Variants in MGLL observed in about 807,000 individuals in gnomAD.
MGLL encodes the protein monoglyceride lipase, also known as lysophospholipase homolog.
In MGLL, 7 loss-of-function variants were observed where a neutral mutation model predicts 29.1. That is an observed-to-expected ratio of 0.24 (90% CI 0.14 to 0.45). The LOEUF (loss-of-function observed/expected upper bound fraction) is 0.45. Ranked by LOEUF, MGLL falls within the 20% of genes least tolerant of loss-of-function variation. MGLL has a pLI of 0.99. For missense variants in MGLL, 356 were observed against 413.6 expected (o/e 0.86, Z 1.21); for synonymous variants, 148 against 168.3 (o/e 0.88, Z 0.93).
Position 127,726,185 on chromosome 3 carries a change from A to AAAGAAAGAAAG in MGLL, c.263-3620_263-3619insCTTTCTTTCTT, listed in dbSNP as rs61500053. ...GAAAGAAAGAAAGAAAGAAAGAAAG[A>AAAGAAAGAAAG]AAAGAAAAGAAAGAAAGAAAGACAG... On this transcript the variant is annotated intron_variant, in intron 3 of 7. Transcript: ENST00000265052. Among the ~76,000 whole-genome samples, 440 of 66,528 alleles carry AAAGAAAGAAAG rather than the reference A, an allele frequency of 6.6e-3. 5 individuals carry two copies. The highest frequency in any genetic ancestry group is 0.017 in the Admixed American group (101 of 6,100). The allele number at this position is 66,528 out of a possible 152,430, so 43.6% of individuals were successfully genotyped here. A position where few individuals can be genotyped will look rare whatever the true frequency, so the allele number is the denominator to read the frequency against.
At chr3:127,711,499 G>A (rs1353213565) in intron 5 of MGLL, 2 of 152,256 alleles carry the variant, frequency 1.3e-5, no homozygotes, top group African/African-American at 2.4e-5. Flanking sequence ...CTTCAGAGAG[G>A]GGCTGTTTTC....
chr3:127,746,431 C>T (rs1015075813), intron 3 of MGLL, among the ~76,000 whole-genome samples: 7 of 152,140 alleles, frequency 4.6e-5, no homozygotes, highest in African/African-American at 4.8e-5. Flanking sequence ...CACCCTGCCA[C>T]GATCTTCCCT....
At chr3:127,819,661 C>A (rs1346511707) in intron 2 of MGLL, among the ~76,000 whole-genome samples, 1 of 152,152 alleles carries the variant, frequency 6.6e-6, no homozygotes, top group East Asian at 1.9e-4. Context: ...GAGGTCCCCT[C>A]CCTCTTCCTA....
At chr3:127,733,077 A>G (rs73203050) in intron 3 of MGLL, among the ~76,000 whole-genome samples, 191 of 152,310 alleles carry the variant, frequency 1.3e-3, no homozygotes, top group Non-Finnish European at 2.1e-3. Flanking sequence ...AGGGTGAGAT[A>G]GGAGCTTGGC....
In MGLL at chr3:127,798,516, C is replaced by G. The variant is rs552808232; in HGVS notation, c.156-16621G>C. Among the ~76,000 whole-genome samples the G allele has an allele frequency of 3.3e-5, 5 of 152,214 alleles. No individual in the cohort carries two copies. In the South Asian group the frequency reaches 1.0e-3, roughly 32 times the overall value. The stretch of plus-strand genomic sequence containing the variant: ...TTCCAGGACTTCCTCCTTGGACAGG[C>G]CCTTTGCTGAGTCTTCACTTCTCTT... On this transcript the variant is annotated intron_variant, in intron 2 of 7. Coordinates refer to ENST00000265052, the MANE Select transcript of MGLL (RefSeq NM_007283.7).
intron 3 of MGLL, among the ~76,000 whole-genome samples, chr3:127,742,117 A>G (rs1422048981): frequency 6.6e-6 from 1 of 152,274 alleles, no homozygotes; most frequent in Non-Finnish European, 1.5e-5. Flanking sequence ...GTTCTAATAC[A>G]TAGAACTAAA....
At chr3:127,705,332 T>C (rs2075578523) in intron 6 of MGLL, among the ~76,000 whole-genome samples, 1 of 151,986 alleles carries the variant, frequency 6.6e-6, no homozygotes, top group African/African-American at 2.4e-5. Flanking sequence ...GGCACATGTT[T>C]ACCTATGTAA....
At chr3:127,792,605 AG>A (rs1405280966) in intron 2 of MGLL, among the ~76,000 whole-genome samples, 1 of 152,138 alleles carries the variant, frequency 6.6e-6, no homozygotes, top group African/African-American at 2.4e-5. Flanking sequence ...CAGGAGGCTG[AG>A]GCAGGAGAAT....
At chr3:127,707,016 C>T (rs1227317543) in intron 6 of MGLL, among the ~76,000 whole-genome samples, 2 of 152,190 alleles carry the variant, frequency 1.3e-5, no homozygotes, top group Admixed American at 6.5e-5. Context: ...ATCCGAAACA[C>T]CGGGCAGAGG....
At chr3:127,692,489 T>G (rs1489214740) in intron 7 of MGLL, among the ~76,000 whole-genome samples, 166 bp from the exon 8 acceptor site, 1 of 152,218 alleles carries the variant, frequency 6.6e-6, no homozygotes, top group Non-Finnish European at 1.5e-5. Context: ...CACCTTTCTA[T>G]CAGAAGATGG....
At chr3:127,743,595 A>T (rs1371222528) in intron 3 of MGLL, among the ~76,000 whole-genome samples, 1 of 150,646 alleles carries the variant, frequency 6.6e-6, no homozygotes, top group Non-Finnish European at 1.5e-5. Context: ...AAAAAAAAAA[A>T]AAAAGTCCAA....
chr3:127,779,049 C>T (rs1041130747), intron 3 of MGLL, among the ~76,000 whole-genome samples: 1 of 152,204 alleles, frequency 6.6e-6, no homozygotes, highest in Non-Finnish European at 1.5e-5. Flanking sequence ...GCCATTGCAC[C>T]TTGCCTGCTT....
chr3:127,694,876 A>C, intron 7 of MGLL, 99 bp downstream of exon 7: 4 of 1,141,248 alleles, frequency 3.5e-6, no homozygotes, highest in Non-Finnish European at 5.3e-6. Flanking sequence ...GAGACCTGGG[A>C]GGTGGCCCTC....
At chr3:127,733,315 A>T (rs529679664) in intron 3 of MGLL, among the ~76,000 whole-genome samples, 1 of 152,354 alleles carries the variant, frequency 6.6e-6, no homozygotes, top group South Asian at 2.1e-4. Flanking sequence ...TTAGCATATC[A>T]TCAAGAAATA....
intron 3 of MGLL, among the ~76,000 whole-genome samples, chr3:127,750,556 A>T (rs1159599563): frequency 1.3e-5 from 2 of 152,034 alleles, no homozygotes; most frequent in African/African-American, 2.4e-5. Context: ...GGCCCCTGGG[A>T]CTCACAGGGA....
At chr3:127,809,952 C>T (rs1290434244) in intron 2 of MGLL, among the ~76,000 whole-genome samples, 1 of 152,184 alleles carries the variant, frequency 6.6e-6, no homozygotes, top group Non-Finnish European at 1.5e-5. Context: ...CAATTCTAGA[C>T]ATTTAGCCAC....
At chr3:127,753,675 G>A (rs16830196) in intron 3 of MGLL, among the ~76,000 whole-genome samples, 1,761 of 152,246 alleles carry the variant, frequency 0.012, 20 homozygotes, top group African/African-American at 0.04. Flanking sequence ...CACTTTCCTC[G>A]CTTAAAATGG....
intron 5 of MGLL, among the ~76,000 whole-genome samples, chr3:127,714,765 G>A (rs1226488574): frequency 2.0e-5 from 3 of 152,168 alleles, no homozygotes; most frequent in Non-Finnish European, 2.9e-5. Flanking sequence ...GGACCCGGGT[G>A]GATACACCAT....
chr3:127,732,227 A>C, intron 3 of MGLL, among the ~76,000 whole-genome samples: 1 of 152,220 alleles, frequency 6.6e-6, no homozygotes, highest in Non-Finnish European at 1.5e-5. Context: ...TAAAAACAGC[A>C]CTTGGTATTT....
Sources: gnomAD v4.1 joint callset for allele counts (sites outside exome capture counted in the v4.1 genomes callset) on GRCh38, gnomAD v4.1.1 for gene constraint, MANE v1.5 for transcripts, NCBI Gene and HGNC (gene_info 2026-07-23, HGNC 2026-07-21) for gene names.